The following MRPL58 variants were observed in gnomAD, a reference collection of about 807,000 sequenced individuals.
MRPL58 encodes the protein mitochondrial ribosomal protein L58.
A neutral mutation model predicts 26.0 loss-of-function variants in MRPL58; 17 were observed. That is an observed-to-expected ratio of 0.65 (90% CI 0.45 to 0.98). The LOEUF is 0.98. Ranked by LOEUF, MRPL58 falls within the 50% of genes least tolerant of loss-of-function variation. The pLI is 0.00. For synonymous variants in MRPL58, 100 were observed against 99.7 expected (o/e 1.00, Z -0.02); for missense variants, 250 against 269.0 (o/e 0.93, Z 0.49).
chr17:75,018,879 TCAAA>T (rs949053715), intron 2 of MRPL58, among the ~76,000 whole-genome samples: 2 of 150,372 alleles, frequency 1.3e-5, no homozygotes, highest in Non-Finnish European at 2.9e-5. Context: ...TCAAGATGAC[TCAAA>T]CAGAGGCCAG....
Position 75,017,071 on chromosome 17 carries a change from A to G in MRPL58, c.187-7A>G. The G allele has an allele frequency of 3.1e-6, 5 of 1,610,806 alleles. No homozygotes were observed. Among genetic ancestry groups the G allele is most frequent in the Non-Finnish European group, 4.2e-6 (5 of 1,176,878 alleles). ...ATTTATTTGACACTGTGTACATTAC[A>G]TTACAGAATGGTGCAAAGCAAGCCG... On this transcript the variant is annotated splice_region_variant and splice_polypyrimidine_tract_variant and intron_variant, in intron 1 of 5. Coordinates refer to ENST00000301585, the MANE Select transcript of MRPL58 (RefSeq NM_001545.3).
chr17:75,017,772 A>G (rs2039984448), intron 2 of MRPL58, among the ~76,000 whole-genome samples: 1 of 151,862 alleles, frequency 6.6e-6, no homozygotes, highest in African/African-American at 2.4e-5. Context: ...AAAAATACAA[A>G]AATTAGCCGG....
chr17:75,018,600 C>T (rs1424794066), intron 2 of MRPL58: 1 of 151,986 alleles, frequency 6.6e-6, no homozygotes, highest in Non-Finnish European at 1.5e-5. Context: ...ATATCTATAT[C>T]TGAAAGGAAC....
rs188633350 is a variant in MRPL58 at position 75,019,617 on chromosome 17, C to T, written c.224-83C>T. ...GAAATTTTCCCAATATAATACCTTC[C>T]CTACATTCCTCAGACACAACAAGAC... On this transcript the variant is annotated intron_variant, in intron 2 of 5. Transcript: ENST00000301585. The T allele has an allele frequency of 3.3e-4, 437 of 1,334,660 alleles. 3 individuals carry two copies. The African/African-American group carries it at 5.6e-3, about 17-fold the overall frequency. 82.7% of individuals were successfully genotyped at this position (1,334,660 alleles called of 1,614,324 possible).
In MRPL58 at chr17:75,020,673, C is replaced by T. The variant is rs370918571; in HGVS notation, c.536+16C>T. On this transcript the variant is annotated intron_variant, in intron 5 of 5. Transcript: ENST00000301585. ...ATAGAATCAGGTACCAGGAAATGCC[C>T]TAAGATGCTATAAACTGATTTGTGT... 1.2e-6 allele frequency: 2 copies of T among 1,612,174 alleles called. No homozygotes were observed. The highest frequency in any genetic ancestry group is 1.1e-5 in the South Asian group (1 of 91,004).
At chr17:75,019,328 G>A (rs963607676) in intron 2 of MRPL58, among the ~76,000 whole-genome samples, 1 of 152,132 alleles carries the variant, frequency 6.6e-6, no homozygotes, top group African/African-American at 2.4e-5. Flanking sequence ...ATCCCGAAGC[G>A]TTCCATTCCT....
At position 75,017,110 on chromosome 17, in the gene MRPL58, T is replaced by C. The variant is rs1184792959; in HGVS notation, c.219T>C (p.Pro73=). 2 of 1,611,798 alleles carry C rather than the reference T, an allele frequency of 1.2e-6. No individual in the cohort carries two copies. Among genetic ancestry groups the C allele is most frequent in the Non-Finnish European group, 1.7e-6 (2 of 1,177,858 alleles). ...NGAKQADSDI[P]LDRLTISYCR... is the part of the protein sequence containing the mutation. ...CAAAGCAAGCCGACAGTGACATCCC[T>C]CTAGGTAAGTAATTTTGTTTTCTTA... is the stretch of plus-strand genomic sequence containing the variant. Residue 73 remains proline (P), a synonymous_variant, in exon 2 of 6, where the codon CCT becomes CCC. Transcript: ENST00000301585.
At chr17:75,013,395 T>TA (rs2039948609) in intron 1 of MRPL58, among the ~76,000 whole-genome samples, 1 of 152,162 alleles carries the variant, frequency 6.6e-6, no homozygotes, top group Non-Finnish European at 1.5e-5. Flanking sequence ...AGCTTCCACT[T>TA]ACAGGACTGG....
intron 2 of MRPL58, among the ~76,000 whole-genome samples, chr17:75,019,012 G>A (rs926122992): frequency 2.6e-5 from 4 of 152,048 alleles, no homozygotes; most frequent in Admixed American, 2.6e-4. Flanking sequence ...TTGAGAGGCT[G>A]AGGTGGAAGG....
chr17:75,012,968 G>A (rs2039943593), intron 1 of MRPL58, 96 bp downstream of exon 1: 1 of 1,165,958 alleles, frequency 8.6e-7, no homozygotes, highest in South Asian at 1.4e-5. Flanking sequence ...GAGCTACGTC[G>A]GGGGGCTACG....
intron 2 of MRPL58, 151 bp from the exon 3 acceptor site, chr17:75,019,549 G>A (rs1014274035): frequency 2.8e-5 from 19 of 681,564 alleles, no homozygotes; most frequent in South Asian, 2.7e-4. Context: ...CTCTGCCACC[G>A]TGGTGCCACA....
chr17:75,019,863 A>T, intron 3 of MRPL58, 104 bp downstream of exon 3: 1 of 816,738 alleles, frequency 1.2e-6, no homozygotes, highest in Non-Finnish European at 1.9e-6. Flanking sequence ...ATTTTTCAGC[A>T]GAAGCTTTAA....
At chr17:75,013,676 G>C (rs949358671) in intron 1 of MRPL58, among the ~76,000 whole-genome samples, 1 of 152,222 alleles carries the variant, frequency 6.6e-6, no homozygotes, top group South Asian at 2.1e-4. Flanking sequence ...CGCTGTCAAT[G>C]AGGTGGCATT....
At chr17:75,013,104 G>A (rs925985876) in intron 1 of MRPL58, among the ~76,000 whole-genome samples, 1 of 152,240 alleles carries the variant, frequency 6.6e-6, no homozygotes, top group Non-Finnish European at 1.5e-5. Context: ...AAGGCTGCCA[G>A]CTTTTCTACG....
chr17:75,014,278 C>T (rs1303782231), intron 1 of MRPL58, among the ~76,000 whole-genome samples: 2 of 145,870 alleles, frequency 1.4e-5, no homozygotes, highest in Admixed American at 7.0e-5. Context: ...CTCCGCCTCC[C>T]GGGTTCACGC....
chr17:75,020,987 G>T lies in MRPL58; in HGVS notation c.603G>T (p.Arg201Ser), dbSNP rs932787730. ...KRIHSAVKTS[R>S]RVDMD ...TTCATTCTGCTGTAAAGACAAGCAGGAGGGTCGACATGGACTGAAATCACC... is the reference window on the plus strand; with the variant it reads ...TTCATTCTGCTGTAAAGACAAGCAGTAGGGTCGACATGGACTGAAATCACC... Residue 201 changes from arginine to serine, a missense_variant, in exon 6 of 6, where the codon AGG becomes AGT. Transcript: ENST00000301585. 16 of 1,613,520 alleles carry T rather than the reference G, an allele frequency of 9.9e-6. No individual in the cohort carries two copies. Among genetic ancestry groups the T allele is most frequent in the African/African-American group, 1.3e-5 (1 of 74,902 alleles).
chr17:75,016,485 G>A (rs1320645930), intron 1 of MRPL58, among the ~76,000 whole-genome samples: 1 of 152,168 alleles, frequency 6.6e-6, no homozygotes, highest in Non-Finnish European at 1.5e-5. Flanking sequence ...TGGAGGGCCA[G>A]AAAAGCCTCG....
Position 75,020,479 on chromosome 17 carries a change from T to G in MRPL58, c.367-9T>G. 1 of 1,613,956 alleles carries G rather than the reference T, an allele frequency of 6.2e-7. No individual in the cohort carries two copies. Among genetic ancestry groups the G allele is most frequent in the East Asian group, 2.2e-5 (1 of 44,878 alleles). On this transcript the variant is annotated splice_polypyrimidine_tract_variant and intron_variant, in intron 4 of 5. Transcript: ENST00000301585. ...TGTAGGACTCCAGTTTTTCATTTGT[T>G]CTCTGCAGCATAAAAACAAGATCAA...
At chr17:75,018,458 T>C (rs541839158) in intron 2 of MRPL58, 1,632 of 152,278 alleles carry the variant, frequency 0.011, 17 homozygotes, top group South Asian at 0.048. Flanking sequence ...GGTCTCGATC[T>C]CCTGACCTCA....
Sources: allele counts gnomAD v4.1 joint callset (sites outside exome capture counted in the v4.1 genomes callset), GRCh38; gene constraint gnomAD v4.1.1; transcripts MANE v1.5; gene names NCBI Gene and HGNC (gene_info 2026-07-23, HGNC 2026-07-21).